Variants in TMEM108 observed in about 807,000 individuals in gnomAD.
TMEM108 encodes transmembrane protein 108, also known as cancer/testis antigen 124.
A neutral mutation model predicts 35.1 loss-of-function variants in TMEM108; 12 were observed. That is an observed-to-expected ratio of 0.34 (90% CI 0.22 to 0.55). TMEM108 has a LOEUF of 0.55. Among genes scored for constraint, TMEM108 ranks in the 20% least tolerant of loss-of-function variants. The pLI, the probability that TMEM108 is intolerant of heterozygous loss-of-function variation, is 0.89. For synonymous variants in TMEM108, 287 were observed against 308.6 expected (o/e 0.93, Z 0.73); for missense variants, 680 against 753.3 (o/e 0.90, Z 1.14).
rs1434710697 is a variant in TMEM108 at position 133,094,623 on chromosome 3, ACTT to A, written c.-47+48609_-47+48611del. ...ATCGCCAGCATATGGCACCCAGTAG[ACTT>A]CTTCTGCTGCCACTGCTGGCCTGGC... is the stretch of plus-strand genomic sequence containing the variant. On this transcript the variant is annotated intron_variant, in intron 2 of 5. Transcript: ENST00000321871. Among the ~76,000 whole-genome samples the A allele has an allele frequency of 9.2e-5, 14 of 152,176 alleles. No homozygotes were observed. In the South Asian group the frequency reaches 2.1e-3, roughly 23 times the overall value.
At chr3:133,298,506 G>T (rs377668378) in intron 3 of TMEM108, among the ~76,000 whole-genome samples, 3 of 151,948 alleles carry the variant, frequency 2.0e-5, no homozygotes, top group Non-Finnish European at 4.4e-5. Flanking sequence ...CTTTTTTCTT[G>T]TTTCTTGATA....
chr3:133,072,212 C>A (rs1420150996), intron 2 of TMEM108, among the ~76,000 whole-genome samples: 5 of 152,084 alleles, frequency 3.3e-5, no homozygotes, highest in African/African-American at 4.8e-5. Flanking sequence ...GAGATCCCTG[C>A]AAATGGCATC....
chr3:133,395,878 G>T lies in TMEM108; in HGVS notation c.1620G>T (p.Glu540Asp), dbSNP rs1401314380. ...TCTCTTCCCAGGACCAGCTCTCAGA[G>T]CCCCGCTCCCCAGCCAATGGCGACT... ...SLETSEDQLSEPRSPANGDYR... is the reference protein window; with the variant it reads ...SLETSEDQLSDPRSPANGDYR... Residue 540 changes from glutamate (E) to aspartate (D), a missense_variant, in exon 6 of 6, where the codon GAG (glutamate) becomes GAT (aspartate). This residue lies in a region of TMEM108 where 105 missense variants were observed against 150.7 expected (regional missense o/e 0.70). Coordinates refer to ENST00000321871, the MANE Select transcript of TMEM108 (RefSeq NM_023943.4). 2.5e-6 allele frequency: 4 copies of T among 1,587,158 alleles called. No individual in the cohort carries two copies. Among genetic ancestry groups the T allele is most frequent in the Non-Finnish European group, 2.6e-6 (3 of 1,167,328 alleles).
chr3:133,054,543 T>A (rs1476420312), intron 2 of TMEM108, among the ~76,000 whole-genome samples: 1 of 152,246 alleles, frequency 6.6e-6, no homozygotes, highest in Non-Finnish European at 1.5e-5. Context: ...GGCTTATTAC[T>A]GTAAAAATAA....
At chr3:133,044,472 C>A (rs538643657) in intron 1 of TMEM108, among the ~76,000 whole-genome samples, 50 of 152,178 alleles carry the variant, frequency 3.3e-4, no homozygotes, top group Non-Finnish European at 5.7e-4. Context: ...TTTATATCTG[C>A]AAATCATTTT....
chr3:133,180,348 C>A (rs1175828671), intron 2 of TMEM108, among the ~76,000 whole-genome samples: 1 of 152,076 alleles, frequency 6.6e-6, no homozygotes. Flanking sequence ...AGGTTTTGAA[C>A]CTAATATAGG....
intron 2 of TMEM108, among the ~76,000 whole-genome samples, chr3:133,067,940 G>A (rs985007412): frequency 2.0e-5 from 3 of 152,024 alleles, no homozygotes; most frequent in Non-Finnish European, 2.9e-5. Context: ...CCAAGAGCAT[G>A]GTTCCAGCAT....
intron 3 of TMEM108, among the ~76,000 whole-genome samples, chr3:133,310,530 CTTTTTTTTT>C (rs59215786): frequency 4.9e-3 from 110 of 22,238 alleles, no homozygotes; most frequent in African/African-American, 0.016. Flanking sequence ...GCAACCCCTG[CTTTTTTTTT>C]TTTTTTTTTT....
At chr3:133,136,910 T>C (rs1944572448) in intron 2 of TMEM108, among the ~76,000 whole-genome samples, 1 of 152,186 alleles carries the variant, frequency 6.6e-6, no homozygotes, top group Non-Finnish European at 1.5e-5. Context: ...TGTTAAAATA[T>C]TGGATCAAAG....
rs139902211 is a variant in TMEM108, at chr3:133,380,935, C to T, written c.1224C>T (p.Leu408=). 11 of 1,614,108 alleles carry T rather than the reference C, an allele frequency of 6.8e-6. No homozygotes were observed. The highest frequency in any genetic ancestry group is 1.1e-5 in the South Asian group (1 of 91,092). The change falls in exon 4 of 6, where the codon CTC becomes CTT. Residue 408 remains leucine, a synonymous_variant. Coordinates refer to ENST00000321871, the MANE Select transcript of TMEM108 (RefSeq NM_023943.4). This position sits in a 1 kb window ranked among gnomAD's most constrained non-coding sequence, Gnocchi z 5.3. The part of the protein sequence containing the change: ...SGAKEETVAT[L]TMTDRVPSPL... Reference sequence around the variant, plus strand: ...CCAAGGAGGAGACTGTGGCCACCCTCACCATGACCGACCGGGTGCCCAGTC... The same window carrying T: ...CCAAGGAGGAGACTGTGGCCACCCTTACCATGACCGACCGGGTGCCCAGTC...
chr3:133,098,871 C>T (rs1057042952), intron 2 of TMEM108, among the ~76,000 whole-genome samples: 12 of 152,098 alleles, frequency 7.9e-5, no homozygotes, highest in African/African-American at 1.7e-4. Context: ...CACGGGCTGG[C>T]GTTGAGTGCG....
chr3:133,081,493 GAATTTGGGGGGAACGC>G (rs1480606378), intron 2 of TMEM108, among the ~76,000 whole-genome samples: 3 of 152,184 alleles, frequency 2.0e-5, no homozygotes, highest in African/African-American at 7.2e-5. Context: ...TTCAACATAT[GAATTTGGGGGGAACGC>G]AATTCAGTTC....
intron 3 of TMEM108, among the ~76,000 whole-genome samples, chr3:133,370,538 C>A (rs1457857328): frequency 1.3e-5 from 2 of 152,170 alleles, no homozygotes; most frequent in African/African-American, 4.8e-5. Context: ...TTATGAGCTT[C>A]TTCCTTTTAG....
At chr3:133,214,489 C>T (rs570781674) in intron 2 of TMEM108, among the ~76,000 whole-genome samples, 1 of 147,602 alleles carries the variant, frequency 6.8e-6, no homozygotes, top group African/African-American at 2.4e-5. Context: ...GCACGTTGGC[C>T]ACCAACTTAA....
At chr3:133,184,954 T>G (rs1187491636) in intron 2 of TMEM108, among the ~76,000 whole-genome samples, 1 of 152,220 alleles carries the variant, frequency 6.6e-6, no homozygotes, top group Non-Finnish European at 1.5e-5. Flanking sequence ...GTAGGTTAAC[T>G]TTGCAAACCC....
chr3:133,084,274 G>C (rs17294688), intron 2 of TMEM108, among the ~76,000 whole-genome samples: 13,106 of 152,078 alleles, frequency 0.086, 682 homozygotes, highest in East Asian at 0.12. Flanking sequence ...AGGCCCTCTG[G>C]TCAACTAGAT....
At chr3:133,277,167 T>C (rs1946850328) in intron 3 of TMEM108, among the ~76,000 whole-genome samples, 1 of 152,110 alleles carries the variant, frequency 6.6e-6, no homozygotes, top group African/African-American at 2.4e-5. Flanking sequence ...ATTGAGACAA[T>C]TGGTAAAATT....
intron 3 of TMEM108, among the ~76,000 whole-genome samples, chr3:133,303,645 AAC>A (rs140259984): frequency 1.5e-4 from 23 of 151,248 alleles, no homozygotes; most frequent in East Asian, 1.9e-4. Context: ...CCTAGTCATA[AAC>A]ACACACACAC....
chr3:133,253,753 C>T (rs1477502364), intron 3 of TMEM108, among the ~76,000 whole-genome samples: 7 of 152,146 alleles, frequency 4.6e-5, no homozygotes, highest in Non-Finnish European at 7.4e-5. Context: ...ATTTTACCTG[C>T]TTTCATTGTT....
Sources: gnomAD v4.1 joint callset for allele counts (sites outside exome capture counted in the v4.1 genomes callset) on GRCh38, gnomAD v4.1.1 for gene constraint, gnomAD v4.1.1 regional missense constraint, Gnocchi (gnomAD v3.1) non-coding constraint, MANE v1.5 for transcripts, NCBI Gene and HGNC (gene_info 2026-07-23, HGNC 2026-07-21) for gene names.